MEGF11: variants seen among roughly 807,000 people sequenced by gnomAD.
MEGF11 encodes the protein multiple EGF like domains 11.
In MEGF11, 126 loss-of-function variants were observed where a neutral mutation model predicts 146.6. The observed-to-expected ratio is 0.86, with a 90% confidence interval of 0.74 to 1.00. The LOEUF is 1.00. Ranked by LOEUF, MEGF11 falls within the 50% of genes least tolerant of loss-of-function variation. The pLI, the probability that MEGF11 is intolerant of heterozygous loss-of-function variation, is 0.00. For missense variants in MEGF11, 1,509 were observed against 1,521.2 expected, an observed-to-expected ratio of 0.99 and a Z score of 0.13; for synonymous variants, 532 against 583.4, an observed-to-expected ratio of 0.91 and a Z score of 1.27.
intron 1 of MEGF11, among the ~76,000 whole-genome samples, chr15:66,243,114 A>G (rs143393446): frequency 6.6e-5 from 10 of 152,346 alleles, no homozygotes; most frequent in African/African-American, 2.4e-4. Flanking sequence ...ACTTCCTGCC[A>G]TTAACTCACC....
chr15:65,987,638 T>G (rs1405028463), intron 5 of MEGF11, among the ~76,000 whole-genome samples: 1 of 152,208 alleles, frequency 6.6e-6, no homozygotes, highest in Admixed American at 6.6e-5. Context: ...ATAAAAACTC[T>G]GTAGCCATTA....
chr15:66,159,658 C>T (rs1244496045), intron 1 of MEGF11, among the ~76,000 whole-genome samples: 4 of 152,092 alleles, frequency 2.6e-5, no homozygotes, highest in Admixed American at 6.5e-5. Flanking sequence ...AGAGGGGCCA[C>T]GATGGCACTT....
chr15:65,913,568 A>G, intron 20 of MEGF11, 169 bp downstream of exon 20: 2 of 642,036 alleles, frequency 3.1e-6, no homozygotes, highest in Non-Finnish European at 2.7e-6. Flanking sequence ...TTCCCTTGGA[A>G]CCCCAGATAT....
intron 1 of MEGF11, among the ~76,000 whole-genome samples, chr15:66,180,659 T>C (rs1244015959): frequency 6.6e-6 from 1 of 152,196 alleles, no homozygotes; most frequent in East Asian, 1.9e-4. Context: ...AGAGCGGTAA[T>C]CCATTGTAAC....
chr15:66,201,850 G>A (rs1597149290), intron 1 of MEGF11, among the ~76,000 whole-genome samples: 1 of 149,622 alleles, frequency 6.7e-6, no homozygotes, highest in South Asian at 2.1e-4. Context: ...GGGAGGTTGA[G>A]GCAGAAGAAT....
chr15:65,916,256 C>A lies in MEGF11; in HGVS notation c.2236G>T (p.Gly746Trp). 1 of 1,556,836 alleles carries A rather than the reference C, an allele frequency of 6.4e-7. No homozygotes were observed. Among genetic ancestry groups the A allele is most frequent in the Non-Finnish European group, 8.7e-7 (1 of 1,150,202 alleles). ...TGGCATACGCGCCCACAGTCCTTCC[C>A]AAAAAATGCTGCTGGGCAGCCTAGA... ...CTQRCPAAFFGKDCGRVCQCQ... is the reference protein window; with the variant it reads ...CTQRCPAAFFWKDCGRVCQCQ... Residue 746 changes from glycine (G) to tryptophan (W), a missense_variant, in exon 18 of 26, where the codon GGG (glycine) becomes TGG (tryptophan). By Grantham distance (184) the Gly-to-Trp change is radical. Transcript: ENST00000395614.
chr15:65,988,008 CTT>C (rs35039801), intron 5 of MEGF11, among the ~76,000 whole-genome samples: 1,295 of 93,542 alleles, frequency 0.014, 13 homozygotes, highest in African/African-American at 0.047. Context: ...AGTACCCGGT[CTT>C]TTTTTTTTTT....
At chr15:65,997,514 C>A (rs1421780290) in intron 5 of MEGF11, among the ~76,000 whole-genome samples, 1 of 152,194 alleles carries the variant, frequency 6.6e-6, no homozygotes, top group Non-Finnish European at 1.5e-5. Context: ...CTTGGATTAC[C>A]CTTTCCAAGC....
intron 4 of MEGF11, among the ~76,000 whole-genome samples, chr15:66,099,204 CTTTTTTTTT>C (rs10683767): frequency 9.4e-6 from 1 of 105,878 alleles, no homozygotes; most frequent in East Asian, 2.7e-4. Flanking sequence ...CCTCCTTTTT[CTTTTTTTTT>C]TTTTTTTTTG....
At chr15:65,912,628 C>T (rs78905123) in intron 20 of MEGF11, 10,417 of 153,232 alleles carry the variant, frequency 0.068, 373 homozygotes, top group Middle Eastern at 0.097. Flanking sequence ...TCCAGAACCT[C>T]TCCATAGGGC....
At chr15:66,080,285 C>T (rs62011777) in intron 5 of MEGF11, among the ~76,000 whole-genome samples, 14,757 of 152,262 alleles carry the variant, frequency 0.097, 821 homozygotes, top group Middle Eastern at 0.17. Flanking sequence ...CAGACAGACC[C>T]AGCCCTGACA....
intron 5 of MEGF11, among the ~76,000 whole-genome samples, chr15:65,992,477 G>A (rs2082082548): frequency 6.6e-6 from 1 of 150,560 alleles, no homozygotes; most frequent in African/African-American, 2.5e-5. Flanking sequence ...CACATCCTGA[G>A]GCACTATCAG....
At chr15:66,131,854 G>A (rs2088658983) in intron 1 of MEGF11, among the ~76,000 whole-genome samples, 1 of 152,202 alleles carries the variant, frequency 6.6e-6, no homozygotes. Context: ...TCTTCCCAGT[G>A]ACACAGCTCT....
chr15:66,183,541 G>GA (rs201381470), intron 1 of MEGF11, among the ~76,000 whole-genome samples: 13,915 of 80,390 alleles, frequency 0.17, 942 homozygotes, highest in African/African-American at 0.3. Context: ...CTGCCAAAAA[G>GA]AAAAAAAAAA....
At chr15:65,988,573 C>G (rs1284594540) in intron 5 of MEGF11, among the ~76,000 whole-genome samples, 1 of 152,158 alleles carries the variant, frequency 6.6e-6, no homozygotes, top group Non-Finnish European at 1.5e-5. Context: ...ACAGTGAACA[C>G]TGGGATATAA....
At chr15:65,910,625 C>G (rs1293800557) in intron 21 of MEGF11, among the ~76,000 whole-genome samples, 1 of 152,116 alleles carries the variant, frequency 6.6e-6, no homozygotes, top group Non-Finnish European at 1.5e-5. Flanking sequence ...AGCCCCTTAC[C>G]AAAAGAGGGT....
intron 1 of MEGF11, among the ~76,000 whole-genome samples, chr15:66,181,339 C>T (rs568607609): frequency 1.2e-4 from 19 of 152,312 alleles, no homozygotes; most frequent in African/African-American, 4.3e-4. Context: ...CTCAACCTCC[C>T]AGGCTCAGGT....
intron 10 of MEGF11, among the ~76,000 whole-genome samples, chr15:65,945,554 T>C (rs1239400346): frequency 6.6e-6 from 1 of 152,164 alleles, no homozygotes; most frequent in Non-Finnish European, 1.5e-5. Flanking sequence ...GTTTATTTAT[T>C]GGTAAAATGT....
At chr15:65,990,834 T>C (rs1453828102) in intron 5 of MEGF11, among the ~76,000 whole-genome samples, 1 of 152,126 alleles carries the variant, frequency 6.6e-6, no homozygotes, top group Non-Finnish European at 1.5e-5. Context: ...ATGTCCCCAC[T>C]TGAGAAACAG....
Sources: allele counts gnomAD v4.1 joint callset (sites outside exome capture counted in the v4.1 genomes callset), GRCh38; gene constraint gnomAD v4.1.1; transcripts MANE v1.5; gene names NCBI Gene and HGNC (gene_info 2026-07-23, HGNC 2026-07-21).